XPR1: variants seen among roughly 807,000 people sequenced by gnomAD.
The protein encoded by XPR1 is xenotropic and polytropic retrovirus receptor 1.
XPR1 carries 28 observed loss-of-function variants against 87.5 expected under a neutral mutation model. That is an observed-to-expected ratio of 0.32 (90% CI 0.24 to 0.44). The LOEUF is 0.44. Among genes scored for constraint, XPR1 ranks in the 20% least tolerant of loss-of-function variants. The pLI is 1.00. For missense variants in XPR1, 559 were observed against 862.3 expected (o/e 0.65, Z 4.41); for synonymous variants, 300 against 306.1 (o/e 0.98, Z 0.21).
At chr1:180,656,456 T>TATATA (rs1334113687) in intron 1 of XPR1, among the ~76,000 whole-genome samples, 36 of 3,328 alleles carry the variant, frequency 0.011, 1 homozygote, top group African/African-American at 0.026. Context: ...TATTTATATA[T>TATATA]TTATATATAA....
At chr1:180,769,313 A>G (rs191472365) in intron 2 of XPR1, among the ~76,000 whole-genome samples, 9 of 151,686 alleles carry the variant, frequency 5.9e-5, no homozygotes, top group East Asian at 5.8e-4. Context: ...ATTATTGACT[A>G]TAGTTACCAT....
intron 1 of XPR1, among the ~76,000 whole-genome samples, chr1:180,659,394 TC>T (rs1384146639): frequency 6.2e-5 from 4 of 64,250 alleles, no homozygotes; most frequent in African/African-American, 5.0e-4. Flanking sequence ...CTTCCTTCCT[TC>T]CTTCCTTCCT....
At chr1:180,755,136 A>G (rs920022796) in intron 2 of XPR1, among the ~76,000 whole-genome samples, 2 of 152,200 alleles carry the variant, frequency 1.3e-5, no homozygotes, top group African/African-American at 4.8e-5. Flanking sequence ...GGTTTTCAAC[A>G]TATATTGATA....
chr1:180,647,553 G>A (rs572063784), intron 1 of XPR1, among the ~76,000 whole-genome samples: 11 of 152,218 alleles, frequency 7.2e-5, no homozygotes, highest in African/African-American at 2.2e-4. Flanking sequence ...TCTTCATTGC[G>A]TTCTAAGGAA....
At chr1:180,690,914 A>G (rs1053206932) in intron 2 of XPR1, among the ~76,000 whole-genome samples, 7 of 151,502 alleles carry the variant, frequency 4.6e-5, no homozygotes, top group African/African-American at 1.7e-4. Context: ...TTGCTTCTCT[A>G]TGTGTGTGTG....
chr1:180,791,363 C>T (rs528725720), intron 3 of XPR1, among the ~76,000 whole-genome samples: 1 of 152,198 alleles, frequency 6.6e-6, no homozygotes, highest in South Asian at 2.1e-4. Flanking sequence ...CCTCTGCCTC[C>T]CAGGTTCAAG....
intron 3 of XPR1, among the ~76,000 whole-genome samples, chr1:180,801,514 G>A (rs1350044651): frequency 8.5e-5 from 13 of 152,196 alleles, no homozygotes; most frequent in Non-Finnish European, 1.5e-5. Context: ...TAAAAGTTAA[G>A]AAAATGAAGG....
chr1:180,723,264 A>G (rs539451464), intron 2 of XPR1, among the ~76,000 whole-genome samples: 5 of 152,224 alleles, frequency 3.3e-5, no homozygotes, highest in Non-Finnish European at 7.3e-5. Context: ...GCAATACTGC[A>G]TAACAGAAAC....
At chr1:180,793,783 A>T (rs1558011048) in intron 3 of XPR1, among the ~76,000 whole-genome samples, 2 of 152,160 alleles carry the variant, frequency 1.3e-5, no homozygotes, top group Non-Finnish European at 2.9e-5. Flanking sequence ...ATTTTGTTAA[A>T]AAAAAGTGTT....
chr1:180,837,377 A>G (rs541737028), intron 11 of XPR1, among the ~76,000 whole-genome samples: 4 of 152,328 alleles, frequency 2.6e-5, no homozygotes, highest in African/African-American at 9.6e-5. Context: ...AACACCTTAG[A>G]TGCTGCACTT....
intron 3 of XPR1, among the ~76,000 whole-genome samples, chr1:180,802,340 A>G (rs766064475): frequency 6.6e-6 from 1 of 152,194 alleles, no homozygotes; most frequent in African/African-American, 2.4e-5. Flanking sequence ...GCACAAACAC[A>G]TATATTCAGA....
chr1:180,811,018 G>A (rs1422738545), intron 6 of XPR1, among the ~76,000 whole-genome samples: 3 of 151,954 alleles, frequency 2.0e-5, no homozygotes, highest in East Asian at 1.9e-4. Context: ...TGTAAATGCT[G>A]TATAAATAGT....
At chr1:180,805,088 T>C (rs901279041) in intron 4 of XPR1, among the ~76,000 whole-genome samples, 2 of 152,232 alleles carry the variant, frequency 1.3e-5, no homozygotes, top group African/African-American at 4.8e-5. Flanking sequence ...TCATCTATTC[T>C]GTAAGAATAC....
chr1:180,731,821 G>T (rs1658564134), intron 2 of XPR1, among the ~76,000 whole-genome samples: 1 of 152,146 alleles, frequency 6.6e-6, no homozygotes, highest in Non-Finnish European at 1.5e-5. Flanking sequence ...CCACATTTCA[G>T]GTATTCATGT....
At chr1:180,715,454 G>A (rs557485258) in intron 2 of XPR1, among the ~76,000 whole-genome samples, 43 of 152,270 alleles carry the variant, frequency 2.8e-4, no homozygotes, top group African/African-American at 9.9e-4. Context: ...AAAGCCAGGA[G>A]CTGTCTATTG....
At chr1:180,866,425 A>G (rs1469434419) in intron 12 of XPR1, among the ~76,000 whole-genome samples, 7 of 152,290 alleles carry the variant, frequency 4.6e-5, no homozygotes, top group Non-Finnish European at 2.9e-5. Context: ...TCCAGGAACA[A>G]TTTTTGTCAT....
chr1:180,712,667 G>T (rs1047060110), intron 2 of XPR1, among the ~76,000 whole-genome samples: 8 of 152,112 alleles, frequency 5.3e-5, no homozygotes, highest in African/African-American at 1.9e-4. Flanking sequence ...TCAGCTGGGT[G>T]TGGTGGCGTG....
rs763585090 is a variant in XPR1, at chr1:180,811,389, C to T, written c.682-18C>T. On this transcript the variant is annotated intron_variant, in intron 6 of 14. Coordinates refer to ENST00000367590, the MANE Select transcript of XPR1 (RefSeq NM_004736.4). Reference sequence around the variant, plus strand: ...CAGTGTTTTGTCCTGTACTCAAATACTATTTTTCTGTCCACAGCCTGCACC... The same window carrying T: ...CAGTGTTTTGTCCTGTACTCAAATATTATTTTTCTGTCCACAGCCTGCACC... 1 of 1,606,548 alleles carries T rather than the reference C, an allele frequency of 6.2e-7. No individual in the cohort carries two copies. Among genetic ancestry groups the T allele is most frequent in the Non-Finnish European group, 8.5e-7 (1 of 1,174,268 alleles).
At position 180,876,808 on chromosome 1, in the gene XPR1, C is replaced by T. The variant is rs2102222769; in HGVS notation, c.1808+2866C>T. Among the ~76,000 whole-genome samples the T allele has an allele frequency of 1.3e-5, 2 of 152,316 alleles. 1 individual carries two copies. Among genetic ancestry groups the T allele is most frequent in the South Asian group, 4.1e-4 (2 of 4,830 alleles). ...ATATTTAACAGTGAAACACTATAAA[C>T]TTTCCCTTGAAATCAGGAATGAGAC... On this transcript the variant is annotated intron_variant, in intron 13 of 14. Transcript: ENST00000367590.
Sources: allele counts gnomAD v4.1 joint callset (sites outside exome capture counted in the v4.1 genomes callset), GRCh38; gene constraint gnomAD v4.1.1; transcripts MANE v1.5; gene names NCBI Gene and HGNC (gene_info 2026-07-23, HGNC 2026-07-21).